The following HOMER3 variants were observed in gnomAD, a reference collection of about 807,000 sequenced individuals.
HOMER3 encodes homer scaffold protein 3.
HOMER3 carries 34 observed loss-of-function variants against 45.5 expected under a neutral mutation model. The ratio of observed to expected loss-of-function variants is 0.75; its 90% confidence interval spans 0.57 to 1.00. The LOEUF (loss-of-function observed/expected upper bound fraction) is 1.00, where lower values mean the gene tolerates loss of function less well. Ranked by LOEUF, HOMER3 falls within the 50% of genes least tolerant of loss-of-function variation. The pLI is 0.00. For synonymous variants in HOMER3, 223 were observed against 208.8 expected, an observed-to-expected ratio of 1.07 and a Z score of -0.58; for missense variants, 480 against 497.5, an observed-to-expected ratio of 0.96 and a Z score of 0.33.
intron 1 of HOMER3, chr19:18,939,320 C>T (rs964693804): frequency 5.0e-5 from 14 of 281,034 alleles, no homozygotes; most frequent in South Asian, 8.1e-5. Flanking sequence ...ATGTGCCTGC[C>T]GTCCCAGCTA....
chr19:18,933,198 C>T (rs1312244504), intron 5 of HOMER3, among the ~76,000 whole-genome samples, 153 bp from the exon 6 acceptor site: 7 of 151,748 alleles, frequency 4.6e-5, no homozygotes, highest in Admixed American at 3.9e-4. Flanking sequence ...CCCCACCTCA[C>T]CCACCCTCCA....
chr19:18,941,126 G>C lies in HOMER3; in HGVS notation c.-143C>G, dbSNP rs1002248994. On this transcript the variant is annotated 5_prime_UTR_variant, in exon 1 of 10. Coordinates refer to ENST00000392351, the MANE Select transcript of HOMER3 (RefSeq NM_004838.4). ...CCCGCGGCGCTGACTCCGCGCTGCC[G>C]GGCGCCCCGCTCGCTCCCTGGCTCC... is the stretch of plus-strand genomic sequence containing the variant. 2.0e-5 allele frequency: 3 copies of C among 149,644 alleles called. No individual in the cohort carries two copies. Among genetic ancestry groups the C allele is most frequent in the African/African-American group, 7.3e-5 (3 of 40,980 alleles). 9.3% of individuals were successfully genotyped at this position (149,644 alleles called of 1,614,324 possible).
chr19:18,933,428 C>G (rs2057059987), intron 5 of HOMER3, among the ~76,000 whole-genome samples: 1 of 152,202 alleles, frequency 6.6e-6, no homozygotes, highest in Admixed American at 6.5e-5. Context: ...AGCAGGAAGC[C>G]CTGCCCAGGC....
chr19:18,935,872 T>TAAAAAAACAAA (rs2057087020), intron 4 of HOMER3, among the ~76,000 whole-genome samples: 32 of 148,956 alleles, frequency 2.1e-4, no homozygotes, highest in Admixed American at 3.4e-4. Flanking sequence ...ACACAAAAAT[T>TAAAAAAACAAA]AGCCAGGCAT....
rs769140408 is a variant in HOMER3 at position 18,929,528 on chromosome 19, C to T, written c.1001G>A (p.Arg334Gln). The T allele has an allele frequency of 4.7e-5, 73 of 1,569,766 alleles. No homozygotes were observed. The highest frequency in any genetic ancestry group is 1.8e-4 in the African/African-American group (13 of 74,026). Residue 334 changes from arginine to glutamine, a missense_variant, in exon 10 of 10, where the codon CGG becomes CAG. Coordinates refer to ENST00000392351, the MANE Select transcript of HOMER3 (RefSeq NM_004838.4). The stretch of plus-strand genomic sequence containing the variant: ...GCTGACGTCCAGCAGCTGCGCTGCC[C>T]GGCCCACCTCAGCCCGCGCCCGCTC... Reference protein sequence around the residue: ...ERERARAEVGRAAQLLDVSLF... With the variant: ...ERERARAEVGQAAQLLDVSLF...
At chr19:18,935,070 G>A (rs1181512608) in intron 4 of HOMER3, among the ~76,000 whole-genome samples, 3 of 151,242 alleles carry the variant, frequency 2.0e-5, no homozygotes, top group Admixed American at 6.6e-5. Context: ...TTAAATTCCC[G>A]GCTTGAAGTG....
intron 5 of HOMER3, 68 bp downstream of exon 5, chr19:18,934,235 A>G (rs548116926): frequency 2.9e-5 from 26 of 895,568 alleles, no homozygotes; most frequent in Middle Eastern, 6.3e-4. Context: ...AAGGTCCCCC[A>G]ATATCAGTTG....
At chr19:18,934,982 C>T (rs1432998496) in intron 4 of HOMER3, among the ~76,000 whole-genome samples, 1 of 151,370 alleles carries the variant, frequency 6.6e-6, no homozygotes, top group African/African-American at 2.4e-5. Context: ...GCTGGGATTA[C>T]AGGCATGCAC....
chr19:18,935,211 C>T (rs2057079725), intron 4 of HOMER3, among the ~76,000 whole-genome samples: 1 of 149,842 alleles, frequency 6.7e-6, no homozygotes, highest in Admixed American at 6.8e-5. Context: ...ACCATCTCAG[C>T]TCACTGCAAC....
chr19:18,935,641 G>A (rs751321049), intron 4 of HOMER3, among the ~76,000 whole-genome samples: 2 of 152,110 alleles, frequency 1.3e-5, no homozygotes, highest in Non-Finnish European at 2.9e-5. Flanking sequence ...ACCTATTTAT[G>A]ACAAAGCAAT....
intron 7 of HOMER3, 109 bp downstream of exon 7, chr19:18,931,867 A>G: frequency 7.0e-7 from 1 of 1,429,276 alleles, no homozygotes; most frequent in Non-Finnish European, 9.1e-7. Flanking sequence ...TGACCTGCTG[A>G]GGTCACACAG....
chr19:18,937,352 A>T (rs907162313), intron 4 of HOMER3, among the ~76,000 whole-genome samples: 1 of 151,426 alleles, frequency 6.6e-6, no homozygotes, highest in Non-Finnish European at 1.5e-5. Context: ...GGAAAAAAAA[A>T]GAAGAAAGGT....
At chr19:18,931,727 G>C in intron 7 of HOMER3, 102 bp from the exon 8 acceptor site, 9 of 1,505,100 alleles carry the variant, frequency 6.0e-6, no homozygotes, top group Non-Finnish European at 7.1e-6. Flanking sequence ...GCCCAGGACC[G>C]AGCACCCATC....
rs2057127827 is a variant in HOMER3 at position 18,939,128 on chromosome 19, C to T, written c.-67-79G>A. On this transcript the variant is annotated intron_variant, in intron 1 of 9. Coordinates refer to ENST00000392351, the MANE Select transcript of HOMER3 (RefSeq NM_004838.4). ...AAGCAGGTTCCATCTCAGGACCCAT[C>T]ACCAGGTGTGCCCGTCATGGAACTT... 4.0e-6 allele frequency: 3 copies of T among 741,186 alleles called. No individual in the cohort carries two copies. The East Asian group carries it at 8.3e-5, about 20-fold the overall frequency. 45.9% of individuals were successfully genotyped at this position (741,186 alleles called of 1,614,324 possible).
intron 5 of HOMER3, among the ~76,000 whole-genome samples, chr19:18,933,659 A>C (rs1348022939): frequency 6.6e-6 from 1 of 151,974 alleles, no homozygotes; most frequent in African/African-American, 2.4e-5. Context: ...ATGTGGGAAA[A>C]CACGCAGGGA....
intron 6 of HOMER3, 33 bp downstream of exon 6, chr19:18,932,885 ACCCCCG>A: frequency 1.5e-6 from 1 of 687,538 alleles, no homozygotes; most frequent in Non-Finnish European, 2.1e-6. Context: ...CCCCACCCCT[ACCCCCG>A]CCCCTGCCAC....
At chr19:18,930,085 A>G (rs1229347871) in intron 9 of HOMER3, among the ~76,000 whole-genome samples, 1 of 151,900 alleles carries the variant, frequency 6.6e-6, no homozygotes, top group South Asian at 2.1e-4. Context: ...CTCCATCTCT[A>G]CTAAAAATAC....
chr19:18,939,006 T>A lies in HOMER3; in HGVS notation c.-24A>T, dbSNP rs778535110. On this transcript the variant is annotated 5_prime_UTR_variant, in exon 2 of 10. Coordinates refer to ENST00000392351, the MANE Select transcript of HOMER3 (RefSeq NM_004838.4). ...ATTGGTCAGGCTGGGATGGGCAGGC[T>A]CTAGGGGGCAGCCAGAGAGGTGGCA... 6 of 1,559,742 alleles carry A rather than the reference T, an allele frequency of 3.8e-6. No homozygotes were observed. The South Asian group carries it at 6.1e-5, about 16-fold the overall frequency.
At chr19:18,940,175 T>TG (rs2057139352) in intron 1 of HOMER3, 1 of 151,562 alleles carries the variant, frequency 6.6e-6, no homozygotes, top group Non-Finnish European at 1.5e-5. Flanking sequence ...AGCCCCTGAG[T>TG]GGGGGTGGGG....
Sources: gnomAD v4.1 joint callset for allele counts (sites outside exome capture counted in the v4.1 genomes callset) on GRCh38, gnomAD v4.1.1 for gene constraint, MANE v1.5 for transcripts, NCBI Gene and HGNC (gene_info 2026-07-23, HGNC 2026-07-21) for gene names.